Variants in CAMSAP2 observed in about 807,000 individuals in gnomAD.
CAMSAP2 encodes calmodulin regulated spectrin associated protein family member 2, also known as calmodulin-regulated spectrin-associated protein 2.
A neutral mutation model predicts 146.1 loss-of-function variants in CAMSAP2; 26 were observed. The ratio of observed to expected loss-of-function variants is 0.18; its 90% CI spans 0.13 to 0.25. The LOEUF is 0.25. Among genes scored for constraint, CAMSAP2 ranks in the 10% least tolerant of loss-of-function variants. The pLI is 1.00. For missense variants in CAMSAP2, 1,381 were observed against 1,759.3 expected, an observed-to-expected ratio of 0.78 and a Z score of 3.85; for synonymous variants, 499 against 596.6, an observed-to-expected ratio of 0.84 and a Z score of 2.38.
chr1:200,788,927 C>G (rs552595483), intron 2 of CAMSAP2, among the ~76,000 whole-genome samples: 1 of 152,084 alleles, frequency 6.6e-6, no homozygotes, highest in African/African-American at 2.4e-5. Context: ...GCTGGAAATA[C>G]AGTCATGAGC....
intron 4 of CAMSAP2, among the ~76,000 whole-genome samples, chr1:200,820,096 C>A (rs892639602): frequency 6.6e-6 from 1 of 151,076 alleles, no homozygotes; most frequent in Non-Finnish European, 1.5e-5. Context: ...AGTTTTGCTC[C>A]GTCACCCAGG....
intron 2 of CAMSAP2, among the ~76,000 whole-genome samples, chr1:200,787,623 G>T (rs1444297924): frequency 6.6e-6 from 1 of 152,198 alleles, no homozygotes; most frequent in East Asian, 1.9e-4. Flanking sequence ...TGGATTTACA[G>T]TATTATATAT....
intron 6 of CAMSAP2, among the ~76,000 whole-genome samples, chr1:200,834,152 G>A (rs180798384): frequency 8.0e-4 from 121 of 151,984 alleles, no homozygotes; most frequent in African/African-American, 2.8e-3. Context: ...TCACTGAGGC[G>A]AGGAGTTCGA....
chr1:200,772,421 C>T (rs1285235739), intron 2 of CAMSAP2, among the ~76,000 whole-genome samples: 1 of 152,122 alleles, frequency 6.6e-6, no homozygotes, highest in Non-Finnish European at 1.5e-5. Flanking sequence ...CCAGCCTGGA[C>T]AACATGGCGA....
intron 1 of CAMSAP2, among the ~76,000 whole-genome samples, chr1:200,752,158 G>C (rs1664524881): frequency 6.6e-6 from 1 of 152,018 alleles, no homozygotes; most frequent in South Asian, 2.1e-4. Context: ...GGGAAAAAAA[G>C]CATTAAAAAT....
intron 15 of CAMSAP2, among the ~76,000 whole-genome samples, chr1:200,856,758 G>A (rs182338132): frequency 7.9e-4 from 120 of 152,268 alleles, no homozygotes; most frequent in African/African-American, 2.7e-3. Context: ...ATCCATGATA[G>A]AGTGGAAGTG....
intron 1 of CAMSAP2, among the ~76,000 whole-genome samples, chr1:200,740,402 G>T (rs1247466007): frequency 6.6e-6 from 1 of 152,122 alleles, no homozygotes; most frequent in Non-Finnish European, 1.5e-5. Context: ...TTTGACATTT[G>T]TAATGATGGC....
At chr1:200,802,497 C>G (rs1342379179) in intron 2 of CAMSAP2, among the ~76,000 whole-genome samples, 1 of 152,090 alleles carries the variant, frequency 6.6e-6, no homozygotes, top group African/African-American at 2.4e-5. Flanking sequence ...GTTGGAATAA[C>G]TTTGAAAAAC....
At chr1:200,818,109 C>A (rs561686052) in intron 4 of CAMSAP2, among the ~76,000 whole-genome samples, 3 of 152,238 alleles carry the variant, frequency 2.0e-5, no homozygotes, top group Non-Finnish European at 4.4e-5. Context: ...GAAGTGGCAT[C>A]ATTCTAAATT....
At position 200,739,617 on chromosome 1, in the gene CAMSAP2, GGGAGC is replaced by G; in HGVS notation, c.-208_-204del. On this transcript the variant is annotated 5_prime_UTR_variant, in exon 1 of 17. The change abolishes the stop of an existing upstream ORF in the 5' untranslated region. Transcript: ENST00000358823. The surrounding 1 kb of genome is among the most constrained non-coding windows in gnomAD (Gnocchi z 4.8). ...ACGGCGCCGCCACATTCCTATGCCC[GGGAGC>G]GGCGGCGGCGGCGGCGGCGGCTCCC... 3.4e-6 allele frequency: 1 copy of G among 295,414 alleles called. No individual in the cohort carries two copies. Among genetic ancestry groups the G allele is most frequent in the Non-Finnish European group, 5.8e-6 (1 of 173,904 alleles). 18.3% of individuals were successfully genotyped at this position (295,414 alleles called of 1,614,324 possible). A position where few individuals can be genotyped will look rare whatever the true frequency, so the allele number is the denominator to read the frequency against.
chr1:200,740,963 A>T (rs1476260660), intron 1 of CAMSAP2, among the ~76,000 whole-genome samples: 1 of 152,218 alleles, frequency 6.6e-6, no homozygotes, highest in Admixed American at 6.5e-5. Flanking sequence ...TTTGTTGAAA[A>T]GTTCCCTAGT....
intron 2 of CAMSAP2, among the ~76,000 whole-genome samples, chr1:200,777,070 A>T (rs898928074): frequency 6.6e-6 from 1 of 152,192 alleles, no homozygotes; most frequent in Non-Finnish European, 1.5e-5. Context: ...TGAGAGAAGG[A>T]TGACCAACCT....
chr1:200,843,744 A>C (rs975004055), intron 7 of CAMSAP2, among the ~76,000 whole-genome samples: 12 of 152,256 alleles, frequency 7.9e-5, no homozygotes, highest in African/African-American at 2.9e-4. Flanking sequence ...CTAATTGACC[A>C]AAATACCAGC....
chr1:200,783,697 C>T (rs947557187), intron 2 of CAMSAP2, among the ~76,000 whole-genome samples: 16 of 152,050 alleles, frequency 1.1e-4, no homozygotes, highest in African/African-American at 3.6e-4. Context: ...ACTGTGTTGC[C>T]CAGATAGTTT....
intron 2 of CAMSAP2, among the ~76,000 whole-genome samples, chr1:200,766,478 T>A (rs1020750139): frequency 6.6e-6 from 1 of 152,198 alleles, no homozygotes; most frequent in East Asian, 1.9e-4. Flanking sequence ...GTGCTTACAC[T>A]TTAACACTCT....
At chr1:200,836,789 C>T (rs1032715039) in intron 6 of CAMSAP2, among the ~76,000 whole-genome samples, 5 of 152,104 alleles carry the variant, frequency 3.3e-5, no homozygotes, top group Non-Finnish European at 2.9e-5. Flanking sequence ...CCATTCTAAC[C>T]GGTGTGAGAT....
At chr1:200,779,760 T>G (rs1337964109) in intron 2 of CAMSAP2, among the ~76,000 whole-genome samples, 1 of 152,208 alleles carries the variant, frequency 6.6e-6, no homozygotes, top group African/African-American at 2.4e-5. Flanking sequence ...TTTTTTTCCA[T>G]TTTGCTGGTT....
intron 2 of CAMSAP2, among the ~76,000 whole-genome samples, chr1:200,781,325 A>G (rs1008160624): frequency 3.9e-5 from 6 of 152,170 alleles, no homozygotes; most frequent in South Asian, 2.1e-4. Context: ...TCATTTTTAT[A>G]TTGTTGGCAT....
chr1:200,793,578 C>T (rs1339065129), intron 2 of CAMSAP2, among the ~76,000 whole-genome samples: 1 of 152,064 alleles, frequency 6.6e-6, no homozygotes, highest in Non-Finnish European at 1.5e-5. Flanking sequence ...TTGGATATTA[C>T]TGATGGTAGG....
Sources: gnomAD v4.1 joint callset for allele counts (sites outside exome capture counted in the v4.1 genomes callset) on GRCh38, gnomAD v4.1.1 for gene constraint, Gnocchi (gnomAD v3.1) non-coding constraint, MANE v1.5 for transcripts, NCBI Gene and HGNC (gene_info 2026-07-23, HGNC 2026-07-21) for gene names.